Variants in MACROD2 observed in about 807,000 individuals in gnomAD.
MACROD2 encodes ADP-ribose glycohydrolase MACROD2.
In MACROD2, 36 loss-of-function variants were observed where a neutral mutation model predicts 70.4. The observed-to-expected ratio is 0.51, with a 90% CI of 0.39 to 0.68. The LOEUF (loss-of-function observed/expected upper bound fraction) is 0.68. Ranked by LOEUF, MACROD2 falls within the 30% of genes least tolerant of loss-of-function variation. The pLI, the probability that MACROD2 is intolerant of heterozygous loss-of-function variation, is 0.00. For synonymous variants in MACROD2, 172 were observed against 178.8 expected (o/e 0.96, Z 0.30); for missense variants, 496 against 538.4 (o/e 0.92, Z 0.78).
At chr20:15,854,487 A>C (rs923455048) in intron 8 of MACROD2, among the ~76,000 whole-genome samples, 4 of 152,198 alleles carry the variant, frequency 2.6e-5, no homozygotes, top group African/African-American at 9.7e-5. Context: ...TGAGGACTCT[A>C]GTGCAACTAA....
intron 5 of MACROD2, chr20:14,893,155 C>A (rs1205971349): frequency 6.6e-6 from 1 of 152,058 alleles, no homozygotes; most frequent in African/African-American, 2.4e-5. Flanking sequence ...AATAATATAT[C>A]TCTTTGTATG....
At chr20:15,631,398 C>T (rs1338810151) in intron 8 of MACROD2, among the ~76,000 whole-genome samples, 7 of 151,160 alleles carry the variant, frequency 4.6e-5, no homozygotes, top group Non-Finnish European at 1.0e-4. Flanking sequence ...AAACCATTAT[C>T]AAATGATGAT....
chr20:15,140,728 G>A (rs781086479), intron 5 of MACROD2, among the ~76,000 whole-genome samples: 2 of 152,134 alleles, frequency 1.3e-5, no homozygotes, highest in Non-Finnish European at 2.9e-5. Flanking sequence ...ACAAGTTGCT[G>A]AAGAACAGGA....
chr20:14,723,321 A>G (rs6135235), intron 5 of MACROD2, among the ~76,000 whole-genome samples: 21,401 of 151,906 alleles, frequency 0.14, 2,029 homozygotes, highest in South Asian at 0.37. Flanking sequence ...TTGCAGCTCT[A>G]TTCACTGGAA....
At chr20:14,728,866 A>G (rs1311483031) in intron 5 of MACROD2, among the ~76,000 whole-genome samples, 1 of 152,148 alleles carries the variant, frequency 6.6e-6, no homozygotes, top group East Asian at 1.9e-4. Flanking sequence ...TAACTGTATG[A>G]TTAATCTCTA....
intron 5 of MACROD2, among the ~76,000 whole-genome samples, chr20:15,227,827 T>TTTTTTTTG (rs2145977581): frequency 8.8e-6 from 1 of 113,236 alleles, no homozygotes; most frequent in African/African-American, 3.4e-5. Context: ...TCACCTGTTT[T>TTTTTTTTG]TTTTTTTTTT....
chr20:14,697,796 C>G (rs73262812), intron 5 of MACROD2, among the ~76,000 whole-genome samples: 1 of 152,090 alleles, frequency 6.6e-6, no homozygotes, highest in Non-Finnish European at 1.5e-5. Flanking sequence ...GTGGAGCTTT[C>G]GGTAGAGTCA....
chr20:14,438,348 C>T (rs2084082737), intron 3 of MACROD2, among the ~76,000 whole-genome samples: 1 of 152,150 alleles, frequency 6.6e-6, no homozygotes, highest in Non-Finnish European at 1.5e-5. Context: ...TATATCTTGG[C>T]CATCGTGAAT....
intron 2 of MACROD2, among the ~76,000 whole-genome samples, chr20:14,054,658 G>A (rs1268171523): frequency 6.6e-6 from 1 of 152,142 alleles, no homozygotes; most frequent in Non-Finnish European, 1.5e-5. Context: ...CAAGAAATTA[G>A]TGTTTCACTA....
At chr20:14,254,391 GA>G (rs201282238) in intron 3 of MACROD2, among the ~76,000 whole-genome samples, 1,984 of 151,026 alleles carry the variant, frequency 0.013, 38 homozygotes, top group African/African-American at 0.043. Context: ...ATAATTTAGT[GA>G]AAAAAAAGAT....
chr20:14,967,796 C>T (rs1468229955), intron 5 of MACROD2, among the ~76,000 whole-genome samples: 4 of 152,116 alleles, frequency 2.6e-5, no homozygotes, highest in Non-Finnish European at 4.4e-5. Context: ...TTGAACAAAA[C>T]TTAGCTTTCC....
intron 12 of MACROD2, among the ~76,000 whole-genome samples, chr20:15,949,347 G>A (rs1435086507): frequency 2.0e-5 from 3 of 152,088 alleles, no homozygotes; most frequent in Non-Finnish European, 4.4e-5. Flanking sequence ...ACCCCAGGTG[G>A]CACAGTGATA....
At chr20:15,167,842 T>G (rs1444468720) in intron 5 of MACROD2, among the ~76,000 whole-genome samples, 1 of 152,160 alleles carries the variant, frequency 6.6e-6, no homozygotes, top group Non-Finnish European at 1.5e-5. Context: ...GAACAGAATT[T>G]CACATTCAGA....
chr20:16,010,453 C>T (rs562613655), intron 15 of MACROD2, among the ~76,000 whole-genome samples: 6 of 152,322 alleles, frequency 3.9e-5, no homozygotes, highest in East Asian at 1.9e-4. Context: ...ACCATTTTAT[C>T]TTATTGTCCC....
rs542853052 is a variant in MACROD2, at chr20:14,782,142, T to C, written c.418+97183T>C. Among the ~76,000 whole-genome samples, 235 of 152,148 alleles carry C rather than the reference T, an allele frequency of 1.5e-3. 2 individuals carry two copies. The highest frequency in any genetic ancestry group is 5.4e-3 in the African/African-American group (224 of 41,464). On this transcript the variant is annotated intron_variant, in intron 5 of 17. Coordinates refer to ENST00000684519, the MANE Select transcript of MACROD2 (RefSeq NM_001351661.2). ...TTTCACCATGTTGGCCAGGCTGGTC[T>C]TGAACTCCTGACCTCAAGTGATCTG...
intron 7 of MACROD2, among the ~76,000 whole-genome samples, chr20:15,483,888 G>A (rs1029059363): frequency 2.6e-5 from 4 of 151,864 alleles, no homozygotes; most frequent in Admixed American, 1.3e-4. Context: ...ATAGGAGAAT[G>A]TTTGACTTTT....
intron 15 of MACROD2, among the ~76,000 whole-genome samples, chr20:16,003,996 A>C (rs1346890475): frequency 6.6e-6 from 1 of 152,002 alleles, no homozygotes; most frequent in African/African-American, 2.4e-5. Flanking sequence ...ATGAGTTCCC[A>C]GGTGATGGTG....
intron 6 of MACROD2, among the ~76,000 whole-genome samples, chr20:15,395,051 C>T (rs997083985): frequency 2.2e-4 from 33 of 152,204 alleles, no homozygotes; most frequent in African/African-American, 7.7e-4. Context: ...TCCTTCCCTA[C>T]TTTGGATGGG....
chr20:15,926,660 T>C (rs1437019543), intron 10 of MACROD2, among the ~76,000 whole-genome samples: 3 of 151,968 alleles, frequency 2.0e-5, no homozygotes, highest in African/African-American at 7.2e-5. Context: ...AAGCAGTAAC[T>C]TGAAGGAGCT....
Sources: allele counts gnomAD v4.1 joint callset (sites outside exome capture counted in the v4.1 genomes callset), GRCh38; gene constraint gnomAD v4.1.1; transcripts MANE v1.5; gene names NCBI Gene and HGNC (gene_info 2026-07-23, HGNC 2026-07-21).